SPAG16: variants seen among roughly 807,000 people sequenced by gnomAD.
SPAG16 encodes sperm-associated antigen 16 protein.
In SPAG16, 86 loss-of-function variants were observed where a neutral mutation model predicts 80.4. That is an observed-to-expected ratio of 1.07 (90% confidence interval 0.90 to 1.28). SPAG16 has a LOEUF of 1.28. SPAG16 is among the 50% of genes most tolerant of loss of function. The pLI is 0.00. For missense variants in SPAG16, 870 were observed against 765.3 expected, an observed-to-expected ratio of 1.14 and a Z score of -1.61; for synonymous variants, 294 against 265.9, an observed-to-expected ratio of 1.11 and a Z score of -1.03.
chr2:213,618,740 A>G (rs987485891), intron 10 of SPAG16, among the ~76,000 whole-genome samples: 13 of 151,070 alleles, frequency 8.6e-5, no homozygotes, highest in Non-Finnish European at 7.4e-5. Context: ...CACAGAATTT[A>G]AAAAAAATTT....
chr2:213,628,475 C>T (rs535620951), intron 10 of SPAG16, among the ~76,000 whole-genome samples: 7 of 152,098 alleles, frequency 4.6e-5, no homozygotes, highest in South Asian at 2.1e-4. Context: ...TTCAAAGCAC[C>T]GTACAGTTTC....
At chr2:214,027,334 A>T (rs905921307) in intron 13 of SPAG16, among the ~76,000 whole-genome samples, 2 of 151,596 alleles carry the variant, frequency 1.3e-5, no homozygotes, top group African/African-American at 4.8e-5. Context: ...CTTATTATCA[A>T]TGTATTATAC....
At chr2:213,430,927 A>C (rs2070253052) in intron 9 of SPAG16, among the ~76,000 whole-genome samples, 1 of 152,172 alleles carries the variant, frequency 6.6e-6, no homozygotes, top group Admixed American at 6.5e-5. Context: ...TCCTATTTTC[A>C]AAGTGCTTAA....
intron 10 of SPAG16, among the ~76,000 whole-genome samples, chr2:213,526,872 A>G (rs1179220860): frequency 1.3e-5 from 2 of 152,152 alleles, no homozygotes; most frequent in Non-Finnish European, 2.9e-5. Context: ...AGAAGACCTC[A>G]TCATAAGGGT....
intron 15 of SPAG16, among the ~76,000 whole-genome samples, chr2:214,313,009 G>C (rs903188651): frequency 6.6e-6 from 1 of 151,620 alleles, no homozygotes; most frequent in Non-Finnish European, 1.5e-5. Context: ...AATTCATTTA[G>C]TATTAAAAAA....
At chr2:213,331,324 TG>T (rs2064096235) in intron 5 of SPAG16, among the ~76,000 whole-genome samples, 1 of 152,192 alleles carries the variant, frequency 6.6e-6, no homozygotes, top group Admixed American at 6.5e-5. Flanking sequence ...AACCTGATCT[TG>T]GCAGGATTTA....
At chr2:213,638,541 T>C (rs1053225720) in intron 10 of SPAG16, among the ~76,000 whole-genome samples, 13 of 152,178 alleles carry the variant, frequency 8.5e-5, no homozygotes, top group Non-Finnish European at 1.6e-4. Context: ...TTTTTATGTA[T>C]TTTCATGATT....
At chr2:213,354,791 A>G (rs1000392528) in intron 7 of SPAG16, among the ~76,000 whole-genome samples, 1 of 152,106 alleles carries the variant, frequency 6.6e-6, no homozygotes, top group Non-Finnish European at 1.5e-5. Context: ...AGATGGCAAA[A>G]ATTTTCTCCC....
At chr2:213,803,665 A>C (rs1050109618) in intron 10 of SPAG16, among the ~76,000 whole-genome samples, 3 of 152,218 alleles carry the variant, frequency 2.0e-5, no homozygotes, top group Admixed American at 6.5e-5. Context: ...TTTGTCTTCT[A>C]GCACCAAAAG....
At chr2:213,983,228 A>G (rs894920093) in intron 12 of SPAG16, among the ~76,000 whole-genome samples, 9 of 151,994 alleles carry the variant, frequency 5.9e-5, no homozygotes, top group Admixed American at 3.3e-4. Flanking sequence ...TGGAAATGCT[A>G]TATATACCAA....
chr2:213,968,915 G>A (rs2044865965), intron 12 of SPAG16, among the ~76,000 whole-genome samples: 2 of 152,194 alleles, frequency 1.3e-5, no homozygotes, highest in Admixed American at 6.5e-5. Flanking sequence ...ATTCTCAAGT[G>A]TGACATCTTA....
At chr2:214,036,941 TTTTG>T (rs1328022956) in intron 13 of SPAG16, among the ~76,000 whole-genome samples, 49 of 152,072 alleles carry the variant, frequency 3.2e-4, no homozygotes, top group Admixed American at 7.2e-4. Flanking sequence ...TCACCTTCCT[TTTTG>T]TTTTATTATT....
chr2:214,153,511 G>A (rs548977037), intron 15 of SPAG16, among the ~76,000 whole-genome samples: 20 of 151,974 alleles, frequency 1.3e-4, no homozygotes, highest in African/African-American at 1.7e-4. Context: ...TTGCCTCGGC[G>A]CCTGGGTGGC....
chr2:213,601,874 G>A (rs1352745338), intron 10 of SPAG16, among the ~76,000 whole-genome samples: 1 of 152,168 alleles, frequency 6.6e-6, no homozygotes, highest in Non-Finnish European at 1.5e-5. Flanking sequence ...GACTAGTTTT[G>A]TGGAAGACAA....
intron 15 of SPAG16, among the ~76,000 whole-genome samples, chr2:214,330,769 A>G (rs894199931): frequency 5.9e-5 from 9 of 152,196 alleles, no homozygotes; most frequent in Non-Finnish European, 1.5e-5. Flanking sequence ...GTGGGGGCCA[A>G]AAGGAGCCAA....
At chr2:214,003,789 C>G (rs1040694184) in intron 12 of SPAG16, among the ~76,000 whole-genome samples, 1 of 152,154 alleles carries the variant, frequency 6.6e-6, no homozygotes, top group Non-Finnish European at 1.5e-5. Flanking sequence ...ACATAGACAA[C>G]AGCACTATCA....
chr2:214,071,899 AAG>A (rs767021543), intron 13 of SPAG16, among the ~76,000 whole-genome samples: 4 of 152,158 alleles, frequency 2.6e-5, no homozygotes, highest in East Asian at 3.8e-4. Flanking sequence ...ATTAACTCAA[AAG>A]AGAAATTATA....
chr2:213,815,985 GA>G (rs2072508989), intron 10 of SPAG16, among the ~76,000 whole-genome samples: 1 of 151,980 alleles, frequency 6.6e-6, no homozygotes, highest in African/African-American at 2.4e-5. Context: ...ATATTCTATT[GA>G]AGATTAATAT....
intron 15 of SPAG16, among the ~76,000 whole-genome samples, chr2:214,270,971 G>A (rs1691950408): frequency 6.6e-6 from 1 of 152,060 alleles, no homozygotes; most frequent in Non-Finnish European, 1.5e-5. Context: ...TATACCCACT[G>A]CGCAGAAAAC....
Sources: gnomAD v4.1 joint callset for allele counts (sites outside exome capture counted in the v4.1 genomes callset) on GRCh38, gnomAD v4.1.1 for gene constraint, MANE v1.5 for transcripts, NCBI Gene and HGNC (gene_info 2026-07-23, HGNC 2026-07-21) for gene names.